ASTN1: variants seen among roughly 807,000 people sequenced by gnomAD.
ASTN1 encodes the protein astrotactin-1.
ASTN1 carries 41 observed loss-of-function variants against 140.7 expected under a neutral mutation model. The observed-to-expected ratio is 0.29, with a 90% CI of 0.23 to 0.38. The LOEUF is 0.38. Among genes scored for constraint, ASTN1 ranks in the 10% least tolerant of loss-of-function variants. The probability of loss-of-function intolerance (pLI) is 1.00; values close to 1 mark genes in which losing one functional copy is unlikely to be tolerated. For synonymous variants in ASTN1, 640 were observed against 652.2 expected (o/e 0.98, Z 0.29); for missense variants, 1,479 against 1,678.8 (o/e 0.88, Z 2.08).
chr1:176,888,544 C>T (rs548118930), intron 17 of ASTN1, among the ~76,000 whole-genome samples: 1 of 152,318 alleles, frequency 6.6e-6, no homozygotes, highest in South Asian at 2.1e-4. Flanking sequence ...AATTACGCCT[C>T]TACCACACAT....
intron 1 of ASTN1, among the ~76,000 whole-genome samples, chr1:177,090,719 AC>A (rs1679709014): frequency 6.6e-6 from 1 of 152,102 alleles, no homozygotes; most frequent in South Asian, 2.1e-4. Context: ...GAGTCAAAGT[AC>A]CTCTTCTCTG....
chr1:177,136,050 A>G (rs1240711009), intron 1 of ASTN1, among the ~76,000 whole-genome samples: 1 of 152,208 alleles, frequency 6.6e-6, no homozygotes, highest in Non-Finnish European at 1.5e-5. Flanking sequence ...AAGTAGTACC[A>G]CTGCTCATTA....
chr1:177,055,956 G>A (rs1166150889), intron 2 of ASTN1, among the ~76,000 whole-genome samples: 1 of 152,158 alleles, frequency 6.6e-6, no homozygotes, highest in African/African-American at 2.4e-5. Context: ...TAATAGTGTT[G>A]ATGACACACA....
At chr1:176,937,310 T>A (rs1440552907) in intron 14 of ASTN1, among the ~76,000 whole-genome samples, 1 of 152,210 alleles carries the variant, frequency 6.6e-6, no homozygotes, top group African/African-American at 2.4e-5. Context: ...GGTGACTAAA[T>A]CATTAAGGGG....
At chr1:177,037,953 A>G (rs1676803442) in intron 2 of ASTN1, among the ~76,000 whole-genome samples, 1 of 152,250 alleles carries the variant, frequency 6.6e-6, no homozygotes, top group Admixed American at 6.5e-5. Context: ...CATTTTCAGC[A>G]CTTACTTAAG....
chr1:177,097,542 A>G (rs969635962), intron 1 of ASTN1, among the ~76,000 whole-genome samples: 1 of 152,226 alleles, frequency 6.6e-6, no homozygotes. Context: ...CTATAGAAAT[A>G]TATCTTTCGT....
rs566366902 is a variant in ASTN1, at chr1:176,869,126, C to A, written c.3464-99G>T. ...TGATCTATATCATATAGACATATCA[C>A]ATATAAACATATGTAGATCATTTAT... On this transcript the variant is annotated intron_variant, in intron 21 of 22. Coordinates refer to ENST00000361833, the MANE Select transcript of ASTN1 (RefSeq NM_004319.3). 2,409 of 782,966 alleles carry A rather than the reference C, an allele frequency of 3.1e-3. 52 individuals are homozygous for A. In the African/African-American group the frequency reaches 0.038, roughly 12 times the overall value. The allele number at this position is 782,966 out of a possible 1,614,324, so 48.5% of individuals were successfully genotyped here.
Position 176,882,991 on chromosome 1 carries a change from G to C in ASTN1, c.3230C>G (p.Thr1077Arg). 6.2e-7 allele frequency: 1 copy of C among 1,614,148 alleles called. No individual in the cohort carries two copies. The change falls in exon 20 of 23, where the codon ACA (threonine) becomes AGA (arginine). Residue 1077 changes from threonine (T) to arginine (R), a missense_variant. This residue lies in a region of ASTN1 where 746 missense variants were observed against 800.9 expected (regional missense o/e 0.93). Coordinates refer to ENST00000361833, the MANE Select transcript of ASTN1 (RefSeq NM_004319.3). ...RMDHSKVETETVLSFVDDIIS... is the reference protein window; with the variant it reads ...RMDHSKVETERVLSFVDDIIS... ...GATGTCGTCCACAAAGCTCAGCACT[G>C]TTTCTGCCCAGAGGAGAAGGAATGG...
At chr1:177,013,515 C>T (rs2101937424) in intron 8 of ASTN1, among the ~76,000 whole-genome samples, 1 of 152,272 alleles carries the variant, frequency 6.6e-6, no homozygotes, top group South Asian at 2.1e-4. Flanking sequence ...CAAACGCTCA[C>T]CCATTTGTCA....
intron 13 of ASTN1, among the ~76,000 whole-genome samples, chr1:176,944,451 G>A (rs1363163592): frequency 6.6e-6 from 1 of 152,074 alleles, no homozygotes; most frequent in Admixed American, 6.5e-5. Context: ...TGTAGAGATG[G>A]GGTTTCACCA....
rs576044632 is a variant in ASTN1, at chr1:176,965,632, TCA to T, written c.1524-397_1524-396del. 6.1e-3 allele frequency among the ~76,000 whole-genome samples: 874 copies of T among 142,988 alleles called. 12 individuals are homozygous for T. The highest frequency in any genetic ancestry group is 0.023 in the African/African-American group (853 of 37,110). 93.8% of individuals were successfully genotyped at this position (142,988 alleles called of 152,430 possible). ...AATCAGACAGTTCTGGATTCAAACC[TCA>T]TTCTCACATTTGAATCAACTGTCTG... On this transcript the variant is annotated intron_variant, in intron 8 of 22. Coordinates refer to ENST00000361833, the MANE Select transcript of ASTN1 (RefSeq NM_004319.3).
intron 9 of ASTN1, among the ~76,000 whole-genome samples, chr1:176,964,125 C>A (rs951306116): frequency 6.6e-6 from 1 of 152,258 alleles, no homozygotes; most frequent in South Asian, 2.1e-4. Flanking sequence ...GAGGCAAATG[C>A]AGGAGCAAAA....
intron 1 of ASTN1, among the ~76,000 whole-genome samples, chr1:177,100,240 T>C (rs991177517): frequency 6.6e-6 from 1 of 152,110 alleles, no homozygotes; most frequent in Non-Finnish European, 1.5e-5. Context: ...GTTATAATAG[T>C]TGGTATTTGG....
intron 7 of ASTN1, among the ~76,000 whole-genome samples, chr1:177,021,623 G>A (rs1333434693): frequency 6.6e-6 from 1 of 152,190 alleles, no homozygotes; most frequent in African/African-American, 2.4e-5. Flanking sequence ...AAATGTGAAT[G>A]TAAAGCATAG....
At chr1:176,971,508 C>T (rs141784322) in intron 8 of ASTN1, among the ~76,000 whole-genome samples, 2 of 152,236 alleles carry the variant, frequency 1.3e-5, no homozygotes, top group East Asian at 3.9e-4. Context: ...GGAATACCAC[C>T]CCCGACATAT....
chr1:176,866,141 AC>A (rs764268606), intron 22 of ASTN1, among the ~76,000 whole-genome samples: 1 of 152,118 alleles, frequency 6.6e-6, no homozygotes, highest in Admixed American at 6.5e-5. Flanking sequence ...TTTCTCTTCT[AC>A]TGTTCTGGCA....
At chr1:177,052,287 T>C (rs957234619) in intron 2 of ASTN1, among the ~76,000 whole-genome samples, 1 of 152,282 alleles carries the variant, frequency 6.6e-6, no homozygotes, top group South Asian at 2.1e-4. Context: ...TGCAAGATTG[T>C]TACAGGCAGC....
intron 8 of ASTN1, among the ~76,000 whole-genome samples, chr1:176,984,281 C>T (rs951612534): frequency 4.6e-5 from 7 of 152,170 alleles, no homozygotes; most frequent in Admixed American, 1.3e-4. Context: ...TGGAAAGTGC[C>T]ATTCTGCAGT....
At chr1:176,873,390 T>A (rs1250115466) in intron 21 of ASTN1, among the ~76,000 whole-genome samples, 2 of 152,174 alleles carry the variant, frequency 1.3e-5, no homozygotes, top group African/African-American at 2.4e-5. Flanking sequence ...AGAAACTTAT[T>A]TCCACAGTGG....
Sources: allele counts gnomAD v4.1 joint callset (sites outside exome capture counted in the v4.1 genomes callset), GRCh38; gene constraint gnomAD v4.1.1; regional missense constraint gnomAD v4.1.1; transcripts MANE v1.5; gene names NCBI Gene and HGNC (gene_info 2026-07-23, HGNC 2026-07-21).